Variants in PAX2 observed in about 807,000 individuals in gnomAD.
PAX2 encodes the protein paired box 2.
Under a neutral mutation model 41.7 loss-of-function variants are expected in PAX2, and 9 were observed. That is an observed-to-expected ratio of 0.22 (90% CI 0.13 to 0.38). The LOEUF (loss-of-function observed/expected upper bound fraction) is 0.38, where lower values mean the gene tolerates loss of function less well. PAX2 is among the 10% of genes least tolerant of loss of function. The probability of loss-of-function intolerance (pLI) is 1.00; values close to 1 mark genes in which losing one functional copy is unlikely to be tolerated. For missense variants in PAX2, 418 were observed against 531.6 expected (o/e 0.79, Z 2.10); for synonymous variants, 221 against 212.7 (o/e 1.04, Z -0.34).
Position 100,796,868 on chromosome 10 carries a change from A to T in PAX2, c.617-9562A>T, listed in dbSNP as rs141639230. ...GCTAGGAACCTCAGTTCCCATTCTT[A>T]TGACGACTAGCTATGTGACATGGGA... On this transcript the variant is annotated intron_variant, in intron 5 of 9. Transcript: ENST00000355243. Among the ~76,000 whole-genome samples the T allele has an allele frequency of 4.9e-3, 744 of 152,266 alleles. 6 individuals carry two copies. Among genetic ancestry groups the T allele is most frequent in the African/African-American group, 0.017 (697 of 41,540 alleles).
chr10:100,765,769 C>A (rs1277188156), intron 3 of PAX2, among the ~76,000 whole-genome samples: 1 of 146,024 alleles, frequency 6.8e-6, no homozygotes, highest in East Asian at 1.9e-4. Context: ...GCAATTTTTG[C>A]ACTTCTCTGC....
In PAX2 at chr10:100,748,711, C is replaced by G; in HGVS notation, c.44-1035C>G. ...CCTCGGTTCCGAGATCGGGAGCCCG[C>G]GCTGGAGCCGGGTTGGAAACCCCGT... On this transcript the variant is annotated intron_variant, in intron 1 of 9. Transcript: ENST00000355243. The surrounding 1 kb of genome is among the most constrained non-coding windows in gnomAD (Gnocchi z 5.0). 1.0e-6 allele frequency: 1 copy of G among 985,510 alleles called. No individual in the cohort carries two copies. Among genetic ancestry groups the G allele is most frequent in the Non-Finnish European group, 1.2e-6 (1 of 829,974 alleles). The allele number at this position is 985,510 out of a possible 1,614,324, so 61.0% of individuals were successfully genotyped here.
chr10:100,787,356 T>C (rs1846910378), intron 5 of PAX2, among the ~76,000 whole-genome samples: 1 of 152,150 alleles, frequency 6.6e-6, no homozygotes, highest in Non-Finnish European at 1.5e-5. Context: ...CCCTAATTCA[T>C]CACAGCCCAA....
chr10:100,826,286 T>C lies in PAX2; in HGVS notation c.1022-723T>C, dbSNP rs1848561123. Reference sequence around the variant, plus strand: ...CGCGGTTAGGGATCACTGTAAACAGTCTGGGGTCATCACACAGGAGAAAGG... The same window carrying C: ...CGCGGTTAGGGATCACTGTAAACAGCCTGGGGTCATCACACAGGAGAAAGG... On this transcript the variant is annotated intron_variant, in intron 8 of 9. Coordinates refer to ENST00000355243, the MANE Select transcript of PAX2 (RefSeq NM_000278.5). This position sits in a 1 kb window ranked among gnomAD's most constrained non-coding sequence, Gnocchi z 5.5. 6.9e-6 allele frequency among the ~76,000 whole-genome samples: 1 copy of C among 144,084 alleles called. No individual in the cohort carries two copies. Among genetic ancestry groups the C allele is most frequent in the African/African-American group, 2.6e-5 (1 of 38,184 alleles). The allele number at this position is 144,084 out of a possible 152,430, so 94.5% of individuals were successfully genotyped here.
rs756570535 is a variant in PAX2, at chr10:100,806,552, C to A, written c.739C>A (p.Arg247Ser). Residue 247 changes from arginine (R) to serine (S), a missense_variant, in exon 6 of 10, where the codon CGT (arginine) becomes AGT (serine). Arg to Ser is a moderately radical substitution (Grantham distance 110). Around this residue, in one of 2 missense-constraint regions of PAX2, gnomAD observed 310 missense variants for 325.2 expected, o/e 0.95. Coordinates refer to ENST00000355243, the MANE Select transcript of PAX2 (RefSeq NM_000278.5). ...GGAAGCTTTGGATCGGGTCTTTGAG[C>A]GTCCTTCCTACCCTGACGTCTTCCA... ...QLEALDRVFE[R>S]PSYPDVFQAS... 3.1e-6 allele frequency: 5 copies of A among 1,614,184 alleles called. No individual in the cohort carries two copies. Among genetic ancestry groups the A allele is most frequent in the Non-Finnish European group, 4.2e-6 (5 of 1,180,036 alleles).
Position 100,750,621 on chromosome 10 carries a change from G to A in PAX2, c.213-73G>A. 7.4e-7 allele frequency: 1 copy of A among 1,342,316 alleles called. No individual in the cohort carries two copies. The highest frequency in any genetic ancestry group is 1.1e-6 in the Non-Finnish European group (1 of 944,872). 83.2% of individuals were successfully genotyped at this position (1,342,316 alleles called of 1,614,324 possible). The stretch of plus-strand genomic sequence containing the variant: ...GGCCGGGCAGGAGAGTGGCTCAGCA[G>A]CTCTGGAACCTGCAGCCCCCCTGCC... On this transcript the variant is annotated intron_variant, in intron 2 of 9. Transcript: ENST00000355243. The surrounding 1 kb of genome is among the most constrained non-coding windows in gnomAD (Gnocchi z 4.1).
chr10:100,827,755 C>T lies in PAX2; in HGVS notation c.*136C>T, dbSNP rs1848634796. ...GCCACCGCCCCAGCCTCACCCCATCCCACGACCCCCGCAACCCTTCACATC... is the reference window on the plus strand; with the variant it reads ...GCCACCGCCCCAGCCTCACCCCATCTCACGACCCCCGCAACCCTTCACATC... On this transcript the variant is annotated 3_prime_UTR_variant, in exon 10 of 10. Coordinates refer to ENST00000355243, the MANE Select transcript of PAX2 (RefSeq NM_000278.5). The surrounding 1 kb of genome is among the most constrained non-coding windows in gnomAD (Gnocchi z 8.5). The T allele has an allele frequency of 1.4e-6, 2 of 1,401,866 alleles. No homozygotes were observed. Among genetic ancestry groups the T allele is most frequent in the African/African-American group, 1.4e-5 (1 of 70,718 alleles). The allele number at this position is 1,401,866 out of a possible 1,614,324, so 86.8% of individuals were successfully genotyped here.
chr10:100,779,245 A>G (rs1288559516), intron 3 of PAX2, among the ~76,000 whole-genome samples: 1 of 152,170 alleles, frequency 6.6e-6, no homozygotes, highest in Non-Finnish European at 1.5e-5. Context: ...ATCAAACAAT[A>G]ATTTGGGTGA....
chr10:100,750,240 G>GA lies in PAX2; in HGVS notation c.212+326_212+327insA, dbSNP rs1167190223. Among the ~76,000 whole-genome samples, 4 of 152,204 alleles carry GA rather than the reference G, an allele frequency of 2.6e-5. No individual in the cohort carries two copies. The highest frequency in any genetic ancestry group is 9.6e-5 in the African/African-American group (4 of 41,514). On this transcript the variant is annotated intron_variant, in intron 2 of 9. Transcript: ENST00000355243. This position sits in a 1 kb window ranked among gnomAD's most constrained non-coding sequence, Gnocchi z 4.1. ...GGGGTGGGAGACATTAGAGGAATGG[G>GA]GGGGGAGTGAAAATGGGTCCCCGAG...
chr10:100,802,870 G>A (rs925925869), intron 5 of PAX2, among the ~76,000 whole-genome samples: 2 of 152,006 alleles, frequency 1.3e-5, no homozygotes, highest in African/African-American at 4.8e-5. Flanking sequence ...GATTAAGATC[G>A]GCTTCTGCTT....
intron 1 of PAX2, chr10:100,749,423 G>C: frequency 1.7e-6 from 2 of 1,182,998 alleles, no homozygotes; most frequent in African/African-American, 3.2e-5. Flanking sequence ...CTTTCCGCTG[G>C]CATGAATTCC....
At chr10:100,798,535 G>A (rs1847418827) in intron 5 of PAX2, among the ~76,000 whole-genome samples, 5 of 152,096 alleles carry the variant, frequency 3.3e-5, no homozygotes. Context: ...GACAAGCAGT[G>A]TCACCATAGC....
chr10:100,784,508 G>C (rs1436606447), intron 5 of PAX2, among the ~76,000 whole-genome samples: 1 of 152,214 alleles, frequency 6.6e-6, no homozygotes, highest in East Asian at 1.9e-4. Context: ...CATACCCCAA[G>C]GGCAAGCTGT....
At chr10:100,792,262 A>G (rs1479119280) in intron 5 of PAX2, among the ~76,000 whole-genome samples, 2 of 152,238 alleles carry the variant, frequency 1.3e-5, no homozygotes, top group African/African-American at 4.8e-5. Flanking sequence ...CACGTGCACA[A>G]GCACATGGGT....
chr10:100,750,619 C>A lies in PAX2; in HGVS notation c.213-75C>A. ...TCGGCCGGGCAGGAGAGTGGCTCAG[C>A]AGCTCTGGAACCTGCAGCCCCCCTG... On this transcript the variant is annotated intron_variant, in intron 2 of 9. Coordinates refer to ENST00000355243, the MANE Select transcript of PAX2 (RefSeq NM_000278.5). This position sits in a 1 kb window ranked among gnomAD's most constrained non-coding sequence, Gnocchi z 4.1. 7.6e-7 allele frequency: 1 copy of A among 1,310,642 alleles called. No homozygotes were observed. Among genetic ancestry groups the A allele is most frequent in the Non-Finnish European group, 1.1e-6 (1 of 917,788 alleles). 81.2% of individuals were successfully genotyped at this position (1,310,642 alleles called of 1,614,324 possible).
intron 1 of PAX2, among the ~76,000 whole-genome samples, chr10:100,740,327 G>A (rs1352318239): frequency 6.6e-6 from 1 of 152,166 alleles, no homozygotes; most frequent in Non-Finnish European, 1.5e-5. Context: ...CGCTGGTGCA[G>A]TTGGGAGGGG....
At position 100,828,377 on chromosome 10, in the gene PAX2, G is replaced by T. The variant is rs1220190788; in HGVS notation, c.*758G>T. The T allele has an allele frequency of 4.3e-6, 1 of 233,482 alleles. No homozygotes were observed. The highest frequency in any genetic ancestry group is 8.4e-6 in the Non-Finnish European group (1 of 118,428). The allele number at this position is 233,482 out of a possible 1,614,324, so 14.5% of individuals were successfully genotyped here. A position where few individuals can be genotyped will look rare whatever the true frequency, so the allele number is the denominator to read the frequency against. On this transcript the variant is annotated 3_prime_UTR_variant, in exon 10 of 10. Transcript: ENST00000355243. This position sits in a 1 kb window ranked among gnomAD's most constrained non-coding sequence, Gnocchi z 6.5. ...GGCTCTTCACTGCTCCTCCTGGCCT[G>T]CCTAGTTCCCCAGGGCCCGGCACCT... is the stretch of plus-strand genomic sequence containing the variant.
At chr10:100,809,781 A>G (rs1016285955) in intron 7 of PAX2, among the ~76,000 whole-genome samples, 2 of 152,200 alleles carry the variant, frequency 1.3e-5, no homozygotes, top group South Asian at 4.1e-4. Context: ...CTTCCCAGAG[A>G]GGTCAGTGAC....
intron 7 of PAX2, among the ~76,000 whole-genome samples, chr10:100,818,761 A>C (rs1290548063): frequency 6.6e-6 from 1 of 152,256 alleles, no homozygotes; most frequent in Non-Finnish European, 1.5e-5. Context: ...GGATTCACTT[A>C]GCATGATCCC....
Sources: allele counts gnomAD v4.1 joint callset (sites outside exome capture counted in the v4.1 genomes callset), GRCh38; gene constraint gnomAD v4.1.1; regional missense constraint gnomAD v4.1.1; non-coding constraint Gnocchi (gnomAD v3.1); transcripts MANE v1.5; gene names NCBI Gene and HGNC (gene_info 2026-07-23, HGNC 2026-07-21).